DCDC2C: variants seen among roughly 807,000 people sequenced by gnomAD.
DCDC2C encodes doublecortin domain-containing protein 2C.
In DCDC2C, 44 loss-of-function variants were observed where a neutral mutation model predicts 45.0. The ratio of observed to expected loss-of-function variants is 0.98; its 90% CI spans 0.77 to 1.26. The LOEUF is 1.26. DCDC2C is among the 50% of genes most tolerant of loss of function. The pLI is 0.00. For missense variants in DCDC2C, 447 were observed against 468.9 expected (o/e 0.95, Z 0.43); for synonymous variants, 187 against 178.8 (o/e 1.05, Z -0.37).
rs113067425 is a variant in DCDC2C, at chr2:3,728,871, C to CG, written c.416+1796dup. Reference sequence around the variant, plus strand: ...GCAGCCAGATGCTGGAGAGAGAGCCCGGGGCTCCCCTGATGGGGTCACCGG... The same window carrying CG: ...GCAGCCAGATGCTGGAGAGAGAGCCCGGGGGCTCCCCTGATGGGGTCACCGG... On this transcript the variant is annotated intron_variant, in intron 3 of 10. Coordinates refer to ENST00000399143, the MANE Select transcript of DCDC2C (RefSeq NM_001287444.2). Among the ~76,000 whole-genome samples the CG allele has an allele frequency of 5.1e-3, 778 of 152,278 alleles. 10 individuals carry two copies. The highest frequency in any genetic ancestry group is 0.018 in the African/African-American group (743 of 41,560).
At position 3,818,815 on chromosome 2, in the gene DCDC2C, A is replaced by T. The variant is rs760262083; in HGVS notation, c.1066-28339A>T. Reference sequence around the variant, plus strand: ...CTTTGAACTGGGGAAAAGGGTGGCAATGAGGTGTGGCTGTAGCCCAGGAAT... The same window carrying T: ...CTTTGAACTGGGGAAAAGGGTGGCATTGAGGTGTGGCTGTAGCCCAGGAAT... On this transcript the variant is annotated intron_variant, in intron 10 of 10. Coordinates refer to ENST00000399143, the MANE Select transcript of DCDC2C (RefSeq NM_001287444.2). The surrounding 1 kb of genome is among the most constrained non-coding windows in gnomAD (Gnocchi z 4.7). Among the ~76,000 whole-genome samples, 9 of 152,102 alleles carry T rather than the reference A, an allele frequency of 5.9e-5. No homozygotes were observed. Among genetic ancestry groups the T allele is most frequent in the Non-Finnish European group, 1.2e-4 (8 of 68,024 alleles).
At chr2:3,827,705 CCAA>C (rs1399601387) in intron 10 of DCDC2C, among the ~76,000 whole-genome samples, 1 of 152,120 alleles carries the variant, frequency 6.6e-6, no homozygotes, top group Non-Finnish European at 1.5e-5. Flanking sequence ...GTGATAAATG[CCAA>C]CTAGATTATC....
intron 10 of DCDC2C, among the ~76,000 whole-genome samples, chr2:3,794,924 C>T (rs1354306072): frequency 6.6e-6 from 1 of 151,996 alleles, no homozygotes; most frequent in Non-Finnish European, 1.5e-5. Flanking sequence ...GTTCTAGATC[C>T]CTGAGGAATC....
At chr2:3,706,333 A>G (rs1668065119) in intron 1 of DCDC2C, among the ~76,000 whole-genome samples, 1 of 152,348 alleles carries the variant, frequency 6.6e-6, no homozygotes, top group South Asian at 2.1e-4. Flanking sequence ...ATATCCAGCC[A>G]TTACTCAGAC....
chr2:3,782,515 GT>G (rs1670540904), intron 9 of DCDC2C, among the ~76,000 whole-genome samples: 2 of 148,096 alleles, frequency 1.4e-5, no homozygotes, highest in African/African-American at 5.0e-5. Context: ...GTCTTGCTCT[GT>G]TGCCCAGGCT....
At chr2:3,834,846 G>A (rs181662238) in intron 10 of DCDC2C, among the ~76,000 whole-genome samples, 2 of 152,310 alleles carry the variant, frequency 1.3e-5, no homozygotes, top group Admixed American at 6.5e-5. Flanking sequence ...GGATGGCTGA[G>A]GAAGGGAGGG....
chr2:3,766,333 C>CACACACACAT (rs1558216537), intron 6 of DCDC2C, among the ~76,000 whole-genome samples: 1 of 151,940 alleles, frequency 6.6e-6, no homozygotes, highest in African/African-American at 2.4e-5. Context: ...CACACACACA[C>CACACACACAT]GGTGTCTTTA....
chr2:3,820,680 A>G (rs1671667221), intron 10 of DCDC2C, among the ~76,000 whole-genome samples: 1 of 152,130 alleles, frequency 6.6e-6, no homozygotes, highest in Non-Finnish European at 1.5e-5. Context: ...ACTAGAGAGG[A>G]AAAAGAACTG....
At chr2:3,763,164 C>T (rs1277101064) in intron 6 of DCDC2C, among the ~76,000 whole-genome samples, 1 of 152,226 alleles carries the variant, frequency 6.6e-6, no homozygotes, top group Non-Finnish European at 1.5e-5. Context: ...GTTCCACTCA[C>T]TCACAGAGGT....
intron 2 of DCDC2C, among the ~76,000 whole-genome samples, chr2:3,723,940 C>A (rs1284796513): frequency 1.3e-5 from 2 of 151,910 alleles, no homozygotes; most frequent in Non-Finnish European, 2.9e-5. Context: ...GAACAGCCCC[C>A]CTTCCCCCTT....
chr2:3,704,789 C>T (rs1032353209), intron 1 of DCDC2C, among the ~76,000 whole-genome samples: 3 of 150,616 alleles, frequency 2.0e-5, no homozygotes, highest in East Asian at 2.0e-4. Flanking sequence ...CATTTGAAAT[C>T]GCTCAGGGTG....
chr2:3,771,583 T>G (rs938460746), intron 8 of DCDC2C, among the ~76,000 whole-genome samples: 4 of 152,264 alleles, frequency 2.6e-5, no homozygotes, highest in African/African-American at 9.6e-5. Flanking sequence ...CTTTTCTTGC[T>G]AGGACTCTTC....
intron 4 of DCDC2C, among the ~76,000 whole-genome samples, chr2:3,746,262 G>C (rs1012080775): frequency 2.2e-4 from 34 of 152,166 alleles, no homozygotes; most frequent in Admixed American, 7.2e-4. Flanking sequence ...GAAGAGATGC[G>C]TGCTGTAAGA....
chr2:3,794,663 A>G (rs994472272), intron 10 of DCDC2C, among the ~76,000 whole-genome samples: 21 of 152,122 alleles, frequency 1.4e-4, no homozygotes, highest in Non-Finnish European at 2.2e-4. Flanking sequence ...ATGATTTCCA[A>G]TTTCATCCAT....
chr2:3,846,929 C>T (rs913968474), intron 10 of DCDC2C, among the ~76,000 whole-genome samples: 2 of 152,210 alleles, frequency 1.3e-5, no homozygotes, highest in African/African-American at 4.8e-5. Flanking sequence ...AAATCAGTGT[C>T]CAGGTTTCCT....
At chr2:3,808,470 C>T (rs899994782) in intron 10 of DCDC2C, among the ~76,000 whole-genome samples, 1 of 152,086 alleles carries the variant, frequency 6.6e-6, no homozygotes, top group Admixed American at 6.6e-5. Context: ...TGGCTCACTG[C>T]AACCTCTGCC....
rs1276363092 is a variant in DCDC2C, at chr2:3,847,585, C to CT, written c.*403dup. On this transcript the variant is annotated 3_prime_UTR_variant, in exon 11 of 11. Coordinates refer to ENST00000399143, the MANE Select transcript of DCDC2C (RefSeq NM_001287444.2). Reference sequence around the variant, plus strand: ...CAAAAGCAGGTACTGATAACCTTTGCTATGTAAAGTTCAAAGTATAAAAAT... The same window carrying CT: ...CAAAAGCAGGTACTGATAACCTTTGCTTATGTAAAGTTCAAAGTATAAAAAT... Among the ~76,000 whole-genome samples the CT allele has an allele frequency of 6.6e-6, 1 of 151,996 alleles. No homozygotes were observed. Among genetic ancestry groups the CT allele is most frequent in the Non-Finnish European group, 1.5e-5 (1 of 68,010 alleles).
chr2:3,725,077 C>CG (rs1199019045), intron 2 of DCDC2C, among the ~76,000 whole-genome samples: 2 of 152,070 alleles, frequency 1.3e-5, no homozygotes, highest in African/African-American at 4.8e-5. Flanking sequence ...TTCAGGCCCC[C>CG]GACCTTCTGG....
chr2:3,740,617 G>A (rs1165713475), intron 3 of DCDC2C, among the ~76,000 whole-genome samples: 2 of 152,144 alleles, frequency 1.3e-5, no homozygotes, highest in Non-Finnish European at 2.9e-5. Context: ...AAACATTGTA[G>A]CAAATCTTTA....
Sources: allele counts gnomAD v4.1 joint callset (sites outside exome capture counted in the v4.1 genomes callset), GRCh38; gene constraint gnomAD v4.1.1; non-coding constraint Gnocchi (gnomAD v3.1); transcripts MANE v1.5; gene names NCBI Gene and HGNC (gene_info 2026-07-23, HGNC 2026-07-21).